Variants in B3GALT1 observed in about 807,000 individuals in gnomAD.
The protein encoded by B3GALT1 is beta-1,3-galactosyltransferase 1, also known as UDP-Gal:betaGlcNAc beta 1,3-galactosyltransferase, polypeptide 1.
In B3GALT1, 10 loss-of-function variants were observed where a neutral mutation model predicts 23.2. The ratio of observed to expected loss-of-function variants is 0.43; its 90% CI spans 0.27 to 0.73. The LOEUF (loss-of-function observed/expected upper bound fraction) is 0.73. Ranked by LOEUF, B3GALT1 falls within the 30% of genes least tolerant of loss-of-function variation. The probability of loss-of-function intolerance (pLI) is 0.21; values close to 1 mark genes in which losing one functional copy is unlikely to be tolerated. For missense variants in B3GALT1, 299 were observed against 405.4 expected (o/e 0.74, Z 2.25); for synonymous variants, 156 against 141.5 (o/e 1.10, Z -0.73).
intron 3 of B3GALT1, among the ~76,000 whole-genome samples, chr2:167,685,315 A>G (rs1313291421): frequency 1.3e-5 from 2 of 152,148 alleles, no homozygotes; most frequent in African/African-American, 4.8e-5. Flanking sequence ...GCTGGTTTTG[A>G]ACTCCTGACC....
At chr2:167,686,795 C>T (rs962320418) in intron 3 of B3GALT1, among the ~76,000 whole-genome samples, 2 of 152,066 alleles carry the variant, frequency 1.3e-5, no homozygotes, top group African/African-American at 2.4e-5. Context: ...GGAGACCAAG[C>T]CTAAACTTGT....
intron 3 of B3GALT1, among the ~76,000 whole-genome samples, chr2:167,647,352 C>A (rs1685765731): frequency 6.9e-6 from 1 of 144,794 alleles, no homozygotes; most frequent in Non-Finnish European, 1.6e-5. Context: ...GAGGGGTATA[C>A]TTCCCTCAAA....
chr2:167,528,758 T>C (rs1252448135), intron 2 of B3GALT1, among the ~76,000 whole-genome samples: 1 of 152,168 alleles, frequency 6.6e-6, no homozygotes, highest in Non-Finnish European at 1.5e-5. Context: ...CTTATTCCAT[T>C]TTACATCAAA....
intron 1 of B3GALT1, among the ~76,000 whole-genome samples, chr2:167,341,886 A>G (rs1186397479): frequency 1.3e-5 from 2 of 152,214 alleles, no homozygotes; most frequent in African/African-American, 4.8e-5. Flanking sequence ...ATTCTTTCTG[A>G]GAAGCATTCT....
chr2:167,320,034 T>A (rs1294546840), intron 1 of B3GALT1, among the ~76,000 whole-genome samples: 1 of 152,116 alleles, frequency 6.6e-6, no homozygotes, highest in Non-Finnish European at 1.5e-5. Flanking sequence ...GAATCTTGTG[T>A]TGGCATGATC....
chr2:167,446,447 C>T (rs548554606), intron 1 of B3GALT1, among the ~76,000 whole-genome samples: 6 of 152,298 alleles, frequency 3.9e-5, no homozygotes, highest in African/African-American at 7.2e-5. Context: ...TGGATAATAT[C>T]GTGCAGAGTG....
At chr2:167,511,851 T>A (rs1413021182) in intron 2 of B3GALT1, among the ~76,000 whole-genome samples, 1 of 152,172 alleles carries the variant, frequency 6.6e-6, no homozygotes, top group Admixed American at 6.5e-5. Context: ...GATTTTAATA[T>A]ATAAAGAACA....
chr2:167,326,880 G>T (rs945330211), intron 1 of B3GALT1, among the ~76,000 whole-genome samples: 1 of 151,976 alleles, frequency 6.6e-6, no homozygotes, highest in African/African-American at 2.4e-5. Context: ...AGTAGAGACA[G>T]GGTTTCGCCA....
At chr2:167,343,267 A>T (rs1574040845) in intron 1 of B3GALT1, among the ~76,000 whole-genome samples, 1 of 152,198 alleles carries the variant, frequency 6.6e-6, no homozygotes, top group African/African-American at 2.4e-5. Context: ...AAACATGCAA[A>T]GAGTTATTTC....
chr2:167,720,177 A>T (rs1687209999), intron 3 of B3GALT1, among the ~76,000 whole-genome samples: 1 of 152,234 alleles, frequency 6.6e-6, no homozygotes, highest in Non-Finnish European at 1.5e-5. Context: ...TGATAAAAAC[A>T]GTACTTGTTT....
chr2:167,317,387 C>A (rs1574030178), intron 1 of B3GALT1, among the ~76,000 whole-genome samples: 1 of 152,064 alleles, frequency 6.6e-6, no homozygotes, highest in Non-Finnish European at 1.5e-5. Context: ...AAGGAAAAGC[C>A]AGGCTCTTCA....
chr2:167,618,398 G>A (rs933690128), intron 2 of B3GALT1, among the ~76,000 whole-genome samples: 1 of 151,956 alleles, frequency 6.6e-6, no homozygotes, highest in African/African-American at 2.4e-5. Context: ...TATTAGATAT[G>A]TGTATGTATA....
At chr2:167,841,011 C>T (rs1235879251) in intron 4 of B3GALT1, among the ~76,000 whole-genome samples, 3 of 118,834 alleles carry the variant, frequency 2.5e-5, no homozygotes, top group Admixed American at 2.2e-4. Context: ...AACATCATAC[C>T]CTGGGGACTG....
intron 3 of B3GALT1, among the ~76,000 whole-genome samples, chr2:167,677,995 C>A (rs73017424): frequency 0.097 from 14,827 of 152,168 alleles, 1,765 homozygotes; most frequent in African/African-American, 0.26. Context: ...TAATCACCTT[C>A]CAGGAGGTCC....
chr2:167,387,421 T>C (rs142396328), intron 1 of B3GALT1, among the ~76,000 whole-genome samples: 28 of 152,320 alleles, frequency 1.8e-4, no homozygotes, highest in Non-Finnish European at 3.5e-4. Flanking sequence ...CGATATGTTA[T>C]CTCATCATAT....
At chr2:167,749,559 A>G (rs1032373519) in intron 3 of B3GALT1, among the ~76,000 whole-genome samples, 2 of 152,170 alleles carry the variant, frequency 1.3e-5, no homozygotes, top group East Asian at 1.9e-4. Context: ...AAGTATCCTA[A>G]AATTTCAGAC....
intron 4 of B3GALT1, among the ~76,000 whole-genome samples, chr2:167,820,655 TTTAA>T (rs1389450872): frequency 6.6e-6 from 1 of 152,216 alleles, no homozygotes. Flanking sequence ...AACAACAAAC[TTTAA>T]TTGTCTTAAG....
chr2:167,835,450 CAA>C (rs1689442288), intron 4 of B3GALT1, among the ~76,000 whole-genome samples: 1 of 152,228 alleles, frequency 6.6e-6, no homozygotes, highest in South Asian at 2.1e-4. Context: ...AGTCTGAGAT[CAA>C]ACTGCAAAGT....
rs1688090707 is a variant in B3GALT1 at position 167,772,563 on chromosome 2, A to G, written c.-351-46109A>G. 3.3e-5 allele frequency among the ~76,000 whole-genome samples: 5 copies of G among 152,228 alleles called. No individual in the cohort carries two copies. In the South Asian group the frequency reaches 1.0e-3, roughly 31 times the overall value. The stretch of plus-strand genomic sequence containing the variant: ...TTACCCCACATGGTTTATAGCTTGT[A>G]GAAATGCTCTAAAACATGCAGCCTT... On this transcript the variant is annotated intron_variant, in intron 3 of 4. Transcript: ENST00000392690.
Sources: gnomAD v4.1 joint callset for allele counts (sites outside exome capture counted in the v4.1 genomes callset) on GRCh38, gnomAD v4.1.1 for gene constraint, MANE v1.5 for transcripts, NCBI Gene and HGNC (gene_info 2026-07-23, HGNC 2026-07-21) for gene names.